USP6: variants seen among roughly 807,000 people sequenced by gnomAD.
USP6 encodes the protein ubiquitin specific peptidase 6.
USP6 carries 128 observed loss-of-function variants against 175.7 expected under a neutral mutation model. The ratio of observed to expected loss-of-function variants is 0.73; its 90% CI spans 0.63 to 0.84. USP6 has a LOEUF of 0.84. Ranked by LOEUF, USP6 falls within the 40% of genes least tolerant of loss-of-function variation. The pLI, the probability that USP6 is intolerant of heterozygous loss-of-function variation, is 0.00. For synonymous variants in USP6, 562 were observed against 630.6 expected (o/e 0.89, Z 1.63); for missense variants, 1,498 against 1,760.3 (o/e 0.85, Z 2.67).
At chr17:5,147,775 C>A (rs577341990) in intron 29 of USP6, among the ~76,000 whole-genome samples, 2 of 152,322 alleles carry the variant, frequency 1.3e-5, no homozygotes, top group South Asian at 4.1e-4. Flanking sequence ...GTGGAAACTT[C>A]TGTGATCTTT....
rs1279224085 is a variant in USP6, at chr17:5,138,145, G to T, written c.950G>T (p.Cys317Phe). ...GAGCGCCTCATGAAGACATCCAGGTGTGGCCTGTGGGCACGTCTGCGGAAC... is the reference window on the plus strand; with the variant it reads ...GAGCGCCTCATGAAGACATCCAGGTTTGGCCTGTGGGCACGTCTGCGGAAC... Reference protein sequence around the residue: ...QQKRLMKTSRCGLWARLRNQF... With the variant: ...QQKRLMKTSRFGLWARLRNQF... Residue 317 changes from cysteine (C) to phenylalanine (F), a missense_variant, in exon 21 of 38, where the codon TGT (cysteine) becomes TTT (phenylalanine). Transcript: ENST00000574788. 1.9e-6 allele frequency: 3 copies of T among 1,614,008 alleles called. No homozygotes were observed. The highest frequency in any genetic ancestry group is 1.7e-5 in the Admixed American group (1 of 59,998).
At position 5,129,886 on chromosome 17, in the gene USP6, TGATGAGCGGGGTA is replaced by T. The variant is rs573706859; in HGVS notation, c.-155-47_-155-35del. On this transcript the variant is annotated intron_variant, in intron 8 of 37. Coordinates refer to ENST00000574788, the MANE Select transcript of USP6 (RefSeq NM_001304284.2). ...GACTGAAGGGCCATGGTAGCCCAAGTGATGAGCGGGGTAGAATGGAGCAGTCAGGAGAGATCTT... is the reference window on the plus strand; with the variant it reads ...GACTGAAGGGCCATGGTAGCCCAAGTGAATGGAGCAGTCAGGAGAGATCTT... The T allele has an allele frequency of 6.9e-3, 1,206 of 174,070 alleles. 2 individuals are homozygous for T. Among genetic ancestry groups the T allele is most frequent in the Middle Eastern group, 0.014 (5 of 352 alleles). The allele number at this position is 174,070 out of a possible 1,614,324, so 10.8% of individuals were successfully genotyped here. A position where few individuals can be genotyped will look rare whatever the true frequency, so the allele number is the denominator to read the frequency against.
At chr17:5,144,962 T>C (rs2073565738) in intron 26 of USP6, 99 bp downstream of exon 26, 1 of 1,435,426 alleles carries the variant, frequency 7.0e-7, no homozygotes, top group Non-Finnish European at 9.2e-7. Context: ...TATTCTGAGA[T>C]CAGAATTTTA....
intron 21 of USP6, chr17:5,138,875 C>G (rs1242814727): frequency 2.6e-5 from 20 of 764,886 alleles, no homozygotes; most frequent in Non-Finnish European, 3.5e-5. Flanking sequence ...GGCCCAGTCA[C>G]CCACTGCGGA....
In USP6 at chr17:5,169,038, T is replaced by G. The variant is rs3816913; in HGVS notation, c.3500T>G (p.Ile1167Ser). ...AGCCCATCCTCACTCAGCGCTAACATCAGCAGCAGCCCAAAAGGTGAGGCC... is the reference window on the plus strand; with the variant it reads ...AGCCCATCCTCACTCAGCGCTAACAGCAGCAGCAGCCCAAAAGGTGAGGCC... ...SKSPSSLSAN[I>S]SSSPKGSPSS... Residue 1167 changes from isoleucine (I) to serine (S), a missense_variant, in exon 35 of 38, where the codon ATC becomes AGC. Around this residue, in one of 2 missense-constraint regions of USP6, gnomAD observed 1,217 missense variants for 1,500.8 expected, o/e 0.81. Coordinates refer to ENST00000574788, the MANE Select transcript of USP6 (RefSeq NM_001304284.2). 0.11 allele frequency: 174,138 copies of G among 1,607,356 alleles called. 10,580 individuals are homozygous for G. Among genetic ancestry groups the G allele is most frequent in the African/African-American group, 0.17 (12,767 of 74,754 alleles).
At chr17:5,153,029 C>A (rs1045182612) in intron 30 of USP6, among the ~76,000 whole-genome samples, 13 of 152,092 alleles carry the variant, frequency 8.5e-5, no homozygotes, top group Admixed American at 8.5e-4. Flanking sequence ...TTAAGTAATT[C>A]TATTTATAAA....
Position 5,130,430 on chromosome 17 carries a change from G to A in USP6, c.63G>A (p.Lys21=). The change falls in exon 10 of 38, where the codon AAG becomes AAA. Residue 21 remains lysine (K), a synonymous_variant. Coordinates refer to ENST00000574788, the MANE Select transcript of USP6 (RefSeq NM_001304284.2). ...QAQERKDILM[K]YDKGHRAGLP... The stretch of plus-strand genomic sequence containing the variant: ...AGGAGCGGAAGGACATACTTATGAA[G>A]TATGACAAGGTACAGTTCGGTCTGC... 6.2e-7 allele frequency: 1 copy of A among 1,614,144 alleles called. No individual in the cohort carries two copies.
At position 5,135,300 on chromosome 17, in the gene USP6, T is replaced by C. The variant is rs1567783969; in HGVS notation, c.543+18T>C. The C allele has an allele frequency of 6.2e-7, 1 of 1,611,960 alleles. No homozygotes were observed. Among genetic ancestry groups the C allele is most frequent in the Non-Finnish European group, 8.5e-7 (1 of 1,178,494 alleles). On this transcript the variant is annotated intron_variant, in intron 16 of 37. Transcript: ENST00000574788. ...ATAACCCGGTGAGTATTCCCGGCAG[T>C]GAGGTTCCCAGGCTGTATTTCCATA...
In USP6 at chr17:5,174,140, C is replaced by A; in HGVS notation, c.*1162C>A. The stretch of plus-strand genomic sequence containing the variant: ...GATATTTGTCTTTTTTTAAATTTTA[C>A]AGTAGTCATTGAAAGTTATGTTTCT... On this transcript the variant is annotated 3_prime_UTR_variant, in exon 38 of 38. Transcript: ENST00000574788. 1 of 198,452 alleles carries A rather than the reference C, an allele frequency of 5.0e-6. No homozygotes were observed. 12.3% of individuals were successfully genotyped at this position (198,452 alleles called of 1,614,324 possible). A position where few individuals can be genotyped will look rare whatever the true frequency, so the allele number is the denominator to read the frequency against.
At chr17:5,165,830 G>A (rs2144145248) in intron 33 of USP6, among the ~76,000 whole-genome samples, 1 of 152,144 alleles carries the variant, frequency 6.6e-6, no homozygotes, top group East Asian at 1.9e-4. Context: ...ATCACTTTGG[G>A]AACTTTTACT....
At position 5,122,981 on chromosome 17, in the gene USP6, A is replaced by G. The variant is rs570071377; in HGVS notation, c.-1299+1231A>G. The G allele has an allele frequency of 1.2e-4, 19 of 152,866 alleles. No individual in the cohort carries two copies. The South Asian group carries it at 2.9e-3, about 23-fold the overall frequency. 9.5% of individuals were successfully genotyped at this position (152,866 alleles called of 1,614,324 possible). The stretch of plus-strand genomic sequence containing the variant: ...GTCGGCGAGTTGGAAACTTACTGCA[A>G]TCGTCCTCTCGTAGCCTTGGGCGTC... On this transcript the variant is annotated intron_variant, in intron 4 of 37. Coordinates refer to ENST00000574788, the MANE Select transcript of USP6 (RefSeq NM_001304284.2).
Position 5,163,117 on chromosome 17 carries a change from T to C in USP6, c.3036+113T>C, listed in dbSNP as rs2144130101. ...TTAAAAACAACCAGAAAAACCTTCA[T>C]TGGCATCCTCTATGGCACCTAATAT... is the stretch of plus-strand genomic sequence containing the variant. On this transcript the variant is annotated intron_variant, in intron 33 of 37. Transcript: ENST00000574788. 4.9e-6 allele frequency: 7 copies of C among 1,433,294 alleles called. No individual in the cohort carries two copies. In the East Asian group the frequency reaches 7.7e-5, roughly 16 times the overall value. The allele number at this position is 1,433,294 out of a possible 1,614,324, so 88.8% of individuals were successfully genotyped here. A position where few individuals can be genotyped will look rare whatever the true frequency, so the allele number is the denominator to read the frequency against.
Position 5,133,490 on chromosome 17 carries a change from G to C in USP6, c.324G>C (p.Pro108=). The part of the protein sequence containing the change: ...YKGIPMNIRG[P]VWSVLLNIQE... ...GAATTCCCATGAACATCCGGGGCCC[G>C]GTGTGGTCAGTCCTCCTGAACATTC... The change falls in exon 14 of 38, where the codon CCG becomes CCC. Residue 108 remains proline, a synonymous_variant. Transcript: ENST00000574788. The C allele has an allele frequency of 5.6e-6, 9 of 1,611,724 alleles. No individual in the cohort carries two copies. Among genetic ancestry groups the C allele is most frequent in the Admixed American group, 1.7e-5 (1 of 60,006 alleles).
chr17:5,142,713 C>T (rs574255035), intron 25 of USP6, among the ~76,000 whole-genome samples: 25 of 152,274 alleles, frequency 1.6e-4, no homozygotes, highest in Admixed American at 5.2e-4. Flanking sequence ...ACCAAAGGTA[C>T]ACTCTAAATT....
rs766281484 is a variant in USP6 at position 5,173,004 on chromosome 17, C to T, written c.*26C>T. The T allele has an allele frequency of 1.2e-6, 2 of 1,607,446 alleles. No homozygotes were observed. Among genetic ancestry groups the T allele is most frequent in the Non-Finnish European group, 8.5e-7 (1 of 1,174,828 alleles). On this transcript the variant is annotated 3_prime_UTR_variant, in exon 38 of 38. Coordinates refer to ENST00000574788, the MANE Select transcript of USP6 (RefSeq NM_001304284.2). ...AGCTACCACTCTGGCTGCTAGACAG[C>T]TTGGTGGCGAGGGAGATGACTCCTT...
chr17:5,124,341 C>T (rs979006758), intron 4 of USP6, among the ~76,000 whole-genome samples: 2 of 152,154 alleles, frequency 1.3e-5, no homozygotes, highest in African/African-American at 4.8e-5. Flanking sequence ...CCCACATAAT[C>T]GGGTCACTAA....
At chr17:5,165,540 C>T (rs1391343403) in intron 33 of USP6, among the ~76,000 whole-genome samples, 3 of 151,958 alleles carry the variant, frequency 2.0e-5, no homozygotes, top group Admixed American at 1.3e-4. Flanking sequence ...GTGATCTCGC[C>T]AGTGCACTCC....
At chr17:5,118,666 A>G (rs534632763) in intron 2 of USP6, among the ~76,000 whole-genome samples, 99 of 152,318 alleles carry the variant, frequency 6.5e-4, no homozygotes, top group African/African-American at 2.3e-3. Flanking sequence ...CTTGTCTGGC[A>G]TCCAAAAAGA....
chr17:5,168,201 T>C (rs2074135771), intron 34 of USP6, 78 bp downstream of exon 34: 2 of 1,470,664 alleles, frequency 1.4e-6, no homozygotes, highest in East Asian at 4.6e-5. Context: ...GGAGGTTTTG[T>C]TATTTTTGAG....
Sources: gnomAD v4.1 joint callset for allele counts (sites outside exome capture counted in the v4.1 genomes callset) on GRCh38, gnomAD v4.1.1 for gene constraint, gnomAD v4.1.1 regional missense constraint, MANE v1.5 for transcripts, NCBI Gene and HGNC (gene_info 2026-07-23, HGNC 2026-07-21) for gene names.